Variants in ADAMTS17 observed in about 807,000 individuals in gnomAD.
ADAMTS17 encodes ADAM metallopeptidase with thrombospondin type 1 motif 17.
Under a neutral mutation model 141.5 loss-of-function variants are expected in ADAMTS17, and 113 were observed. The ratio of observed to expected loss-of-function variants is 0.80; its 90% CI spans 0.69 to 0.93. The LOEUF (loss-of-function observed/expected upper bound fraction) is 0.93, where lower values mean the gene tolerates loss of function less well. Ranked by LOEUF, ADAMTS17 falls within the 40% of genes least tolerant of loss-of-function variation. The pLI is 0.00. For missense variants in ADAMTS17, 1,659 were observed against 1,517.9 expected (o/e 1.09, Z -1.54); for synonymous variants, 768 against 630.6 (o/e 1.22, Z -3.27).
rs75583052 is a variant in ADAMTS17, at chr15:100,329,001, G to T, written c.616+1888C>A. Among the ~76,000 whole-genome samples the T allele has an allele frequency of 6.2e-3, 945 of 152,238 alleles. 35 individuals are homozygous for T. The East Asian group carries it at 0.12, about 19-fold the overall frequency. ...AGGTTTAACAGTCCTTAGCGATGTGGTTTTCAACACCAGCTGAACATCAGA... is the reference window on the plus strand; with the variant it reads ...AGGTTTAACAGTCCTTAGCGATGTGTTTTTCAACACCAGCTGAACATCAGA... On this transcript the variant is annotated intron_variant, in intron 3 of 21. Coordinates refer to ENST00000268070, the MANE Select transcript of ADAMTS17 (RefSeq NM_139057.4).
intron 4 of ADAMTS17, among the ~76,000 whole-genome samples, chr15:100,270,832 C>T (rs2043883149): frequency 1.0e-5 from 1 of 99,194 alleles, no homozygotes; most frequent in Non-Finnish European, 2.1e-5. Context: ...CACTGTTATA[C>T]ACTAACACTA....
At chr15:100,304,163 G>A (rs1013801869) in intron 3 of ADAMTS17, among the ~76,000 whole-genome samples, 4 of 152,074 alleles carry the variant, frequency 2.6e-5, no homozygotes, top group African/African-American at 9.7e-5. Context: ...AACCTCTCAG[G>A]TAGCTAAAAG....
rs765308995 is a variant in ADAMTS17 at position 100,096,342 on chromosome 15, G to A, written c.2137+14C>T. The A allele has an allele frequency of 1.9e-6, 3 of 1,612,928 alleles. No individual in the cohort carries two copies. Among genetic ancestry groups the A allele is most frequent in the Admixed American group, 3.3e-5 (2 of 60,028 alleles). On this transcript the variant is annotated intron_variant, in intron 15 of 21. Coordinates refer to ENST00000268070, the MANE Select transcript of ADAMTS17 (RefSeq NM_139057.4). The stretch of plus-strand genomic sequence containing the variant: ...AACACTGTAGCCACAGCAGCCCCAT[G>A]GGCCAACACTCACCTGTCCCCCGGG...
rs74723290 is a variant in ADAMTS17, at chr15:100,270,659, G to A, written c.790-8224C>T. ...CATGCGTACCAGGCACTGACAAAAT[G>A]TTGATGGTGTAGACATAGGCCTACC... On this transcript the variant is annotated intron_variant, in intron 4 of 21. Coordinates refer to ENST00000268070, the MANE Select transcript of ADAMTS17 (RefSeq NM_139057.4). Among the ~76,000 whole-genome samples the A allele has an allele frequency of 6.3e-3, 952 of 151,538 alleles. 6 individuals carry two copies. Among genetic ancestry groups the A allele is most frequent in the Non-Finnish European group, 0.011 (728 of 67,934 alleles).
chr15:100,332,063 T>C (rs571497758), intron 2 of ADAMTS17, among the ~76,000 whole-genome samples: 25 of 152,256 alleles, frequency 1.6e-4, no homozygotes, highest in Admixed American at 1.6e-3. Context: ...GCCTACAATC[T>C]TGCGTCCCCA....
chr15:100,320,565 G>A (rs549700622), intron 3 of ADAMTS17, among the ~76,000 whole-genome samples: 27 of 152,208 alleles, frequency 1.8e-4, no homozygotes, highest in Non-Finnish European at 2.9e-4. Context: ...GAACACCATG[G>A]CCCACACCTG....
chr15:100,040,840 A>C (rs560628792), intron 18 of ADAMTS17, among the ~76,000 whole-genome samples: 2 of 152,332 alleles, frequency 1.3e-5, no homozygotes, highest in East Asian at 3.9e-4. Flanking sequence ...TTGGCAATCT[A>C]AATTTCTCCT....
chr15:100,324,218 T>C (rs2045828137), intron 3 of ADAMTS17, among the ~76,000 whole-genome samples: 1 of 151,846 alleles, frequency 6.6e-6, no homozygotes, highest in East Asian at 1.9e-4. Context: ...GGCAGGAGAA[T>C]CACTTGAACC....
chr15:100,135,444 C>G (rs1416633573), intron 10 of ADAMTS17, among the ~76,000 whole-genome samples: 1 of 151,948 alleles, frequency 6.6e-6, no homozygotes, highest in Non-Finnish European at 1.5e-5. Context: ...CCACCACACC[C>G]GGCTAATTTT....
At chr15:100,051,979 A>C (rs144810962) in intron 16 of ADAMTS17, among the ~76,000 whole-genome samples, 1 of 152,316 alleles carries the variant, frequency 6.6e-6, no homozygotes, top group Non-Finnish European at 1.5e-5. Flanking sequence ...TACCCAAGAG[A>C]GAGACCAGCT....
At chr15:100,316,200 G>A (rs1350506004) in intron 3 of ADAMTS17, among the ~76,000 whole-genome samples, 1 of 152,170 alleles carries the variant, frequency 6.6e-6, no homozygotes, top group East Asian at 1.9e-4. Flanking sequence ...GCCTCCCCAG[G>A]ATGCCCTCCT....
intron 2 of ADAMTS17, among the ~76,000 whole-genome samples, chr15:100,334,598 C>A (rs891349975): frequency 6.6e-6 from 1 of 152,198 alleles, no homozygotes; most frequent in African/African-American, 2.4e-5. Flanking sequence ...TGCCCCCCGA[C>A]TCTCGGGTGG....
chr15:100,274,628 A>G (rs996016277), intron 4 of ADAMTS17, among the ~76,000 whole-genome samples: 6 of 152,142 alleles, frequency 3.9e-5, no homozygotes, highest in African/African-American at 1.2e-4. Flanking sequence ...TTCTGCCATC[A>G]ATTTCTGTCT....
At chr15:100,229,791 T>C (rs1039635354) in intron 7 of ADAMTS17, among the ~76,000 whole-genome samples, 3 of 152,164 alleles carry the variant, frequency 2.0e-5, no homozygotes, top group Non-Finnish European at 2.9e-5. Flanking sequence ...CTTTGAAGTG[T>C]AGACAGAGAA....
chr15:100,035,715 T>C (rs184560966), intron 18 of ADAMTS17, among the ~76,000 whole-genome samples: 91 of 152,186 alleles, frequency 6.0e-4, no homozygotes, highest in African/African-American at 2.2e-3. Flanking sequence ...GGCCTCCCTG[T>C]ACAGTTTACA....
intron 15 of ADAMTS17, among the ~76,000 whole-genome samples, chr15:100,092,430 A>G (rs2035527407): frequency 6.6e-6 from 1 of 152,244 alleles, no homozygotes; most frequent in Admixed American, 6.5e-5. Context: ...AGCATCTTAC[A>G]TGAGAAACAC....
In ADAMTS17 at chr15:100,219,368, A is replaced by G. The variant is rs144954348; in HGVS notation, c.1076-19945T>C. On this transcript the variant is annotated intron_variant, in intron 7 of 21. Coordinates refer to ENST00000268070, the MANE Select transcript of ADAMTS17 (RefSeq NM_139057.4). The stretch of plus-strand genomic sequence containing the variant: ...TATGCAAATTGTACTTCAAAAAAGC[A>G]GTTTTAAAGATGTCATCCAGCATGC... Among the ~76,000 whole-genome samples the G allele has an allele frequency of 3.3e-3, 499 of 152,358 alleles. 4 individuals carry two copies. Among genetic ancestry groups the G allele is most frequent in the African/African-American group, 0.011 (455 of 41,576 alleles).
chr15:99,976,062 A>G lies in ADAMTS17; in HGVS notation c.3110T>C (p.Ile1037Thr). 6.4e-7 allele frequency: 1 copy of G among 1,551,026 alleles called. No homozygotes were observed. Among genetic ancestry groups the G allele is most frequent in the Non-Finnish European group, 8.7e-7 (1 of 1,146,572 alleles). Residue 1037 changes from isoleucine to threonine, a missense_variant, in exon 21 of 22, where the codon ATC becomes ACC. Coordinates refer to ENST00000268070, the MANE Select transcript of ADAMTS17 (RefSeq NM_139057.4). ...ACACTCACCAAGGCGGGGGGAGGTG[A>G]TGGTGTTGGCGTTGATCCTGTCGTT... is the stretch of plus-strand genomic sequence containing the variant. Reference protein sequence around the residue: ...VCNDRINANTITSPRLAALTY... With the variant: ...VCNDRINANTTTSPRLAALTY...
chr15:100,141,958 C>T (rs547975893), intron 10 of ADAMTS17, among the ~76,000 whole-genome samples: 4 of 152,340 alleles, frequency 2.6e-5, no homozygotes, highest in Non-Finnish European at 4.4e-5. Flanking sequence ...TCCGGGACCC[C>T]GCCAGCCACC....
Sources: gnomAD v4.1 joint callset for allele counts (sites outside exome capture counted in the v4.1 genomes callset) on GRCh38, gnomAD v4.1.1 for gene constraint, MANE v1.5 for transcripts, NCBI Gene and HGNC (gene_info 2026-07-23, HGNC 2026-07-21) for gene names.